Variants in DLGAP2 observed in about 807,000 individuals in gnomAD.
DLGAP2 encodes the protein DLG associated protein 2.
DLGAP2 carries 26 observed loss-of-function variants against 100.3 expected under a neutral mutation model. The ratio of observed to expected loss-of-function variants is 0.26; its 90% CI spans 0.19 to 0.36. DLGAP2 has a LOEUF of 0.36. Ranked by LOEUF, DLGAP2 falls within the 10% of genes least tolerant of loss-of-function variation. The pLI, the probability that DLGAP2 is intolerant of heterozygous loss-of-function variation, is 1.00. For synonymous variants in DLGAP2, 886 were observed against 630.1 expected (o/e 1.41, Z -6.08); for missense variants, 1,858 against 1,453.2 (o/e 1.28, Z -4.53).
At chr8:1,112,161 G>T (rs558591459) in intron 2 of DLGAP2, among the ~76,000 whole-genome samples, 14 of 150,942 alleles carry the variant, frequency 9.3e-5, no homozygotes, top group African/African-American at 3.2e-4. Flanking sequence ...AATGATAAAT[G>T]ATATTTAAGT....
intron 2 of DLGAP2, among the ~76,000 whole-genome samples, chr8:932,273 G>A (rs1200733734): frequency 6.6e-6 from 1 of 152,192 alleles, no homozygotes; most frequent in African/African-American, 2.4e-5. Context: ...GGTGACAAAT[G>A]TTCTCTGAAG....
In DLGAP2 at chr8:855,337, G is replaced by A. The variant is rs554795496; in HGVS notation, c.19-52575G>A. On this transcript the variant is annotated intron_variant, in intron 1 of 14. Transcript: ENST00000637795. ...TCATGTGCTCCCAGCGGGTGTGTAC[G>A]GTCAGGAGCGTTCTCTGTGCTCCCC... Among the ~76,000 whole-genome samples, 8 of 152,202 alleles carry A rather than the reference G, an allele frequency of 5.3e-5. No individual in the cohort carries two copies. In the South Asian group the frequency reaches 1.0e-3, roughly 20 times the overall value.
At chr8:1,503,761 T>G (rs952850360) in intron 4 of DLGAP2, among the ~76,000 whole-genome samples, 2 of 152,070 alleles carry the variant, frequency 1.3e-5, no homozygotes, top group African/African-American at 2.4e-5. Flanking sequence ...GGTTGGCCAT[T>G]GTAAGAATGA....
At chr8:1,173,401 C>T (rs905101598) in intron 2 of DLGAP2, among the ~76,000 whole-genome samples, 1 of 152,192 alleles carries the variant, frequency 6.6e-6, no homozygotes, top group African/African-American at 2.4e-5. Flanking sequence ...AGAACCACTG[C>T]TCTCTTCAAA....
intron 10 of DLGAP2, among the ~76,000 whole-genome samples, chr8:1,672,528 A>C (rs1246674053): frequency 6.6e-6 from 1 of 152,236 alleles, no homozygotes; most frequent in African/African-American, 2.4e-5. Context: ...ATGCCCAGCC[A>C]AGGAGATCAG....
Position 1,633,022 on chromosome 8 carries a change from A to T in DLGAP2, c.1786A>T (p.Thr596Ser), listed in dbSNP as rs1305394202. ...TCCCATGATGACACCCTCTGACATC[A>T]CCTCCACCATCAGGTCAACAGCAGG... ...CIPMMTPSDI[T>S]STIRSTAAVS... Residue 596 changes from threonine (T) to serine (S), a missense_variant, in exon 8 of 15, where the codon ACC becomes TCC. Thr to Ser is a moderately conservative substitution (Grantham distance 58). Transcript: ENST00000637795. 8 of 1,613,672 alleles carry T rather than the reference A, an allele frequency of 5.0e-6. No homozygotes were observed. The highest frequency in any genetic ancestry group is 6.8e-6 in the Non-Finnish European group (8 of 1,179,870).
chr8:1,336,590 G>C (rs1251755600), intron 3 of DLGAP2, among the ~76,000 whole-genome samples: 2 of 152,186 alleles, frequency 1.3e-5, no homozygotes, highest in East Asian at 1.9e-4. Context: ...GTTCAGACTA[G>C]TCACAGGGGC....
intron 1 of DLGAP2, among the ~76,000 whole-genome samples, chr8:774,566 T>C (rs1160720270): frequency 1.3e-5 from 2 of 149,886 alleles, no homozygotes; most frequent in Admixed American, 6.6e-5. Flanking sequence ...TTTCTACATA[T>C]GGCTAGCCAG....
At chr8:1,412,134 C>A (rs1440479113) in intron 3 of DLGAP2, among the ~76,000 whole-genome samples, 7 of 152,232 alleles carry the variant, frequency 4.6e-5, no homozygotes. Context: ...GCATCTCCCT[C>A]CTCCTCACCT....
intron 3 of DLGAP2, among the ~76,000 whole-genome samples, chr8:1,474,177 C>G (rs1798873529): frequency 6.6e-6 from 1 of 152,162 alleles, no homozygotes; most frequent in Non-Finnish European, 1.5e-5. Context: ...ATAATGGTCT[C>G]CAACTCCATC....
At chr8:977,720 G>T (rs1800203824) in intron 2 of DLGAP2, among the ~76,000 whole-genome samples, 1 of 125,056 alleles carries the variant, frequency 8.0e-6, no homozygotes, top group South Asian at 2.5e-4. Context: ...TTAGTAATGT[G>T]GGGAGGGCGT....
At position 1,449,842 on chromosome 8, in the gene DLGAP2, G is replaced by GGGTGAAGA. The variant is rs1563156283; in HGVS notation, c.107-51524_107-51523insGGTGAAGA. Among the ~76,000 whole-genome samples the GGGTGAAGA allele has an allele frequency of 1.2e-3, 117 of 97,268 alleles. 16 individuals are homozygous for GGGTGAAGA. The highest frequency in any genetic ancestry group is 5.0e-3 in the Middle Eastern group (1 of 200). 63.8% of individuals were successfully genotyped at this position (97,268 alleles called of 152,430 possible). ...GGCGGCCTCGGTGGCTGTGACTGTA[G>GGGTGAAGA]CGGAGCTGTGAGGGTGAAGACGAGG... is the stretch of plus-strand genomic sequence containing the variant. On this transcript the variant is annotated intron_variant, in intron 3 of 14. Coordinates refer to ENST00000637795, the MANE Select transcript of DLGAP2 (RefSeq NM_001346810.2).
intron 1 of DLGAP2, among the ~76,000 whole-genome samples, chr8:744,742 C>G (rs1364209962): frequency 6.6e-6 from 1 of 152,258 alleles, no homozygotes; most frequent in Non-Finnish European, 1.5e-5. Context: ...TGTTCCCTGC[C>G]TGGGCTGTGC....
At chr8:1,283,106 C>T (rs889753147) in intron 3 of DLGAP2, among the ~76,000 whole-genome samples, 25 of 137,486 alleles carry the variant, frequency 1.8e-4, no homozygotes, top group African/African-American at 3.0e-4. Flanking sequence ...CTGAACCCAG[C>T]GCCCTGAACC....
chr8:750,815 G>C (rs1820770570), intron 1 of DLGAP2, among the ~76,000 whole-genome samples: 2 of 152,204 alleles, frequency 1.3e-5, no homozygotes, highest in South Asian at 4.1e-4. Context: ...ATTTCAAAAG[G>C]CCTAATGGGA....
intron 8 of DLGAP2, among the ~76,000 whole-genome samples, chr8:1,645,728 T>G (rs118191437): frequency 0.036 from 5,495 of 152,360 alleles, 146 homozygotes; most frequent in South Asian, 0.072. Flanking sequence ...CTTGAAATTT[T>G]CTTCCTTTGC....
intron 1 of DLGAP2, among the ~76,000 whole-genome samples, chr8:789,650 C>G (rs1381824515): frequency 1.3e-5 from 2 of 152,222 alleles, no homozygotes; most frequent in Non-Finnish European, 2.9e-5. Flanking sequence ...TTCTAGATAG[C>G]CCCCAAAGTG....
At chr8:1,058,917 C>T (rs1802965331) in intron 2 of DLGAP2, among the ~76,000 whole-genome samples, 1 of 152,202 alleles carries the variant, frequency 6.6e-6, no homozygotes, top group Admixed American at 6.5e-5. Flanking sequence ...AAGACCTCAT[C>T]AAAACTGGTG....
At chr8:921,569 T>C (rs117307485) in intron 2 of DLGAP2, among the ~76,000 whole-genome samples, 3 of 152,264 alleles carry the variant, frequency 2.0e-5, no homozygotes, top group African/African-American at 4.8e-5. Context: ...GCATTTCCCA[T>C]AGACAGTCTG....
Sources: gnomAD v4.1 joint callset for allele counts (sites outside exome capture counted in the v4.1 genomes callset) on GRCh38, gnomAD v4.1.1 for gene constraint, MANE v1.5 for transcripts, NCBI Gene and HGNC (gene_info 2026-07-23, HGNC 2026-07-21) for gene names.